CACNG6: variants seen among roughly 807,000 people sequenced by gnomAD.
CACNG6 encodes voltage-dependent calcium channel gamma-6 subunit.
A neutral mutation model predicts 23.9 loss-of-function variants in CACNG6; 21 were observed. That is an observed-to-expected ratio of 0.88 (90% CI 0.62 to 1.26). CACNG6 has a LOEUF of 1.26. Ranked by LOEUF, CACNG6 falls within the 50% of genes most tolerant of loss-of-function variation. CACNG6 has a pLI of 0.00. For missense variants in CACNG6, 340 were observed against 352.9 expected (o/e 0.96, Z 0.29); for synonymous variants, 182 against 168.9 (o/e 1.08, Z -0.60).
At chr19:54,003,509 T>C (rs909743711) in intron 3 of CACNG6, among the ~76,000 whole-genome samples, 9 of 151,974 alleles carry the variant, frequency 5.9e-5, no homozygotes, top group African/African-American at 1.4e-4. Context: ...TACAGGTGCC[T>C]GCCACCACAC....
chr19:54,003,327 C>T (rs998425914), intron 3 of CACNG6, among the ~76,000 whole-genome samples: 4 of 152,076 alleles, frequency 2.6e-5, no homozygotes, highest in African/African-American at 4.8e-5. Flanking sequence ...CTGGAGAAGC[C>T]GCAGGAGCCA....
rs1600051315 is a variant in CACNG6 at position 53,993,137 on chromosome 19, G to T, written c.260G>T (p.Cys87Phe). ...GCCCACCTGGGGCTGTGGAAGGCGT[G>T]CACCAAGCGGCTGTGGCAGGCGGAC... ...EAAHLGLWKACTKRLWQADVP... is the reference protein window; with the variant it reads ...EAAHLGLWKAFTKRLWQADVP... The change falls in exon 1 of 4, where the codon TGC becomes TTC. Residue 87 changes from cysteine to phenylalanine, a missense_variant. Transcript: ENST00000252729. 6 of 1,548,012 alleles carry T rather than the reference G, an allele frequency of 3.9e-6. No individual in the cohort carries two copies. Among genetic ancestry groups the T allele is most frequent in the Non-Finnish European group, 5.2e-6 (6 of 1,146,170 alleles).
intron 3 of CACNG6, among the ~76,000 whole-genome samples, chr19:54,000,988 T>TTTTC (rs545753195): frequency 6.6e-6 from 1 of 151,754 alleles, no homozygotes; most frequent in East Asian, 2.0e-4. Context: ...TTAAACTCGG[T>TTTTC]TTTCTTTCTT....
chr19:54,012,589 C>G lies in CACNG6; in HGVS notation c.*400C>G, dbSNP rs1405987584. On this transcript the variant is annotated 3_prime_UTR_variant, in exon 4 of 4. Coordinates refer to ENST00000252729, the MANE Select transcript of CACNG6 (RefSeq NM_145814.2). ...GACTTTTTACAACTCATCTGCAGCT[C>G]CGGGTGCGGTTGGGGGAGATAGCGA... The G allele has an allele frequency of 6.0e-6, 1 of 165,772 alleles. No homozygotes were observed. The highest frequency in any genetic ancestry group is 1.3e-5 in the Non-Finnish European group (1 of 77,692). The allele number at this position is 165,772 out of a possible 1,614,324, so 10.3% of individuals were successfully genotyped here.
At chr19:54,001,713 G>C (rs2069577803) in intron 3 of CACNG6, among the ~76,000 whole-genome samples, 1 of 152,184 alleles carries the variant, frequency 6.6e-6, no homozygotes, top group Non-Finnish European at 1.5e-5. Flanking sequence ...TAGACAAGCT[G>C]GGAGAGTTTG....
intron 3 of CACNG6, among the ~76,000 whole-genome samples, chr19:54,002,601 G>A (rs936319004): frequency 1.3e-5 from 2 of 151,874 alleles, no homozygotes; most frequent in African/African-American, 4.8e-5. Context: ...TAAAGATGAT[G>A]TTTGTTCTCA....
intron 1 of CACNG6, among the ~76,000 whole-genome samples, chr19:53,995,434 T>C (rs899869001): frequency 5.3e-5 from 8 of 152,156 alleles, no homozygotes; most frequent in African/African-American, 1.9e-4. Flanking sequence ...GCTATAAGTA[T>C]GGAATGTGGG....
At chr19:53,997,375 T>C (rs1297186492) in intron 1 of CACNG6, among the ~76,000 whole-genome samples, 1 of 152,200 alleles carries the variant, frequency 6.6e-6, no homozygotes, top group Admixed American at 6.5e-5. Context: ...TCTGACTCCA[T>C]GTTACTTATA....
chr19:54,001,945 A>G (rs2069579543), intron 3 of CACNG6, among the ~76,000 whole-genome samples: 1 of 152,176 alleles, frequency 6.6e-6, no homozygotes, highest in African/African-American at 2.4e-5. Context: ...CCTTATAGCC[A>G]TGAACTCACT....
At position 53,999,083 on chromosome 19, in the gene CACNG6, T is replaced by A. The variant is rs1159297028; in HGVS notation, c.407-551T>A. On this transcript the variant is annotated intron_variant, in intron 2 of 3. Transcript: ENST00000252729. ...TTCACCATGTTGGCCAGCCTGGTCT[T>A]GAACTCTCCTGATCTCAAGTGATCC... 2.0e-5 allele frequency among the ~76,000 whole-genome samples: 3 copies of A among 152,076 alleles called. No individual in the cohort carries two copies. In the East Asian group the frequency reaches 5.8e-4, roughly 29 times the overall value.
rs754754745 is a variant in CACNG6 at position 53,992,316 on chromosome 19, C to G, written c.-562C>G. 2.6e-5 allele frequency: 4 copies of G among 152,298 alleles called. No homozygotes were observed. Among genetic ancestry groups the G allele is most frequent in the Non-Finnish European group, 4.4e-5 (3 of 68,118 alleles). 9.4% of individuals were successfully genotyped at this position (152,298 alleles called of 1,614,324 possible). A position where few individuals can be genotyped will look rare whatever the true frequency, so the allele number is the denominator to read the frequency against. On this transcript the variant is annotated 5_prime_UTR_variant, in exon 1 of 4. Transcript: ENST00000252729. This position sits in a 1 kb window ranked among gnomAD's most constrained non-coding sequence, Gnocchi z 4.1. ...AGTCCTCTGTTCTCAAACTCTGAGC[C>G]CAAGGGAACCCCGGCCACATCTCCT...
In CACNG6 at chr19:54,007,369, A is replaced by G. The variant is rs570696893; in HGVS notation, c.545-4582A>G. Among the ~76,000 whole-genome samples, 238 of 152,246 alleles carry G rather than the reference A, an allele frequency of 1.6e-3. 2 individuals are homozygous for G. The highest frequency in any genetic ancestry group is 2.7e-3 in the Non-Finnish European group (187 of 68,018). ...ACTTAATTCTGTCTTTAAGAACTCTATATCCAAATACAGTCATGTTCTGAG... is the reference window on the plus strand; with the variant it reads ...ACTTAATTCTGTCTTTAAGAACTCTGTATCCAAATACAGTCATGTTCTGAG... On this transcript the variant is annotated intron_variant, in intron 3 of 3. Coordinates refer to ENST00000252729, the MANE Select transcript of CACNG6 (RefSeq NM_145814.2).
chr19:53,999,629 G>A lies in CACNG6; in HGVS notation c.407-5G>A. 6.2e-7 allele frequency: 1 copy of A among 1,613,088 alleles called. No individual in the cohort carries two copies. Among genetic ancestry groups the A allele is most frequent in the Non-Finnish European group, 8.5e-7 (1 of 1,179,908 alleles). On this transcript the variant is annotated splice_region_variant and splice_polypyrimidine_tract_variant and intron_variant, in intron 2 of 3. Transcript: ENST00000252729. Reference sequence around the variant, plus strand: ...CTCTGCTTCTTTCCTCTCTCCTGCTGGCAGAGGTGAATCTGGCAGCTGCGG... The same window carrying A: ...CTCTGCTTCTTTCCTCTCTCCTGCTAGCAGAGGTGAATCTGGCAGCTGCGG...
chr19:54,004,293 G>A (rs1336130134), intron 3 of CACNG6, among the ~76,000 whole-genome samples: 7 of 151,684 alleles, frequency 4.6e-5, no homozygotes, highest in African/African-American at 1.7e-4. Flanking sequence ...CCCGAGCTGG[G>A]ATTACAGGCA....
rs1420026740 is a variant in CACNG6 at position 53,993,066 on chromosome 19, G to A, written c.189G>A (p.Val63=). 4 of 1,531,616 alleles carry A rather than the reference G, an allele frequency of 2.6e-6. No individual in the cohort carries two copies. The highest frequency in any genetic ancestry group is 2.5e-5 in the East Asian group (1 of 39,314). 94.9% of individuals were successfully genotyped at this position (1,531,616 alleles called of 1,614,324 possible). ...AVLSVGTEFW[V]ELNTYKANGS... Reference sequence around the variant, plus strand: ...TGTCCGTGGGCACCGAGTTCTGGGTGGAGCTCAACACCTACAAGGCCAACG... The same window carrying A: ...TGTCCGTGGGCACCGAGTTCTGGGTAGAGCTCAACACCTACAAGGCCAACG... The change falls in exon 1 of 4, where the codon GTG becomes GTA. Residue 63 remains valine (V), a synonymous_variant. Coordinates refer to ENST00000252729, the MANE Select transcript of CACNG6 (RefSeq NM_145814.2).
chr19:54,000,484 T>C (rs1178739682), intron 3 of CACNG6, among the ~76,000 whole-genome samples: 1 of 152,240 alleles, frequency 6.6e-6, no homozygotes, highest in Non-Finnish European at 1.5e-5. Flanking sequence ...TTGTGAAATG[T>C]AGCCCTCAGT....
chr19:54,007,606 C>A (rs1202207828), intron 3 of CACNG6, among the ~76,000 whole-genome samples: 2 of 152,094 alleles, frequency 1.3e-5, no homozygotes, highest in East Asian at 3.9e-4. Flanking sequence ...TCAAAGAATG[C>A]ATGAATCAGG....
chr19:53,998,429 T>C, intron 2 of CACNG6, 116 bp downstream of exon 2: 1 of 859,972 alleles, frequency 1.2e-6, no homozygotes, highest in Non-Finnish European at 1.8e-6. Context: ...GTCTCGTGTC[T>C]ATAATCTGTG....
intron 3 of CACNG6, among the ~76,000 whole-genome samples, chr19:54,002,605 G>T (rs1485477186): frequency 6.6e-6 from 1 of 151,806 alleles, no homozygotes; most frequent in Non-Finnish European, 1.5e-5. Flanking sequence ...GATGATGTTT[G>T]TTCTCATGGA....
Sources: gnomAD v4.1 joint callset for allele counts (sites outside exome capture counted in the v4.1 genomes callset) on GRCh38, gnomAD v4.1.1 for gene constraint, Gnocchi (gnomAD v3.1) non-coding constraint, MANE v1.5 for transcripts, NCBI Gene and HGNC (gene_info 2026-07-23, HGNC 2026-07-21) for gene names.